SPON1: variants seen among roughly 807,000 people sequenced by gnomAD.
The protein encoded by SPON1 is spondin 1.
Under a neutral mutation model 111.7 loss-of-function variants are expected in SPON1, and 52 were observed. The observed-to-expected ratio is 0.47, with a 90% CI of 0.37 to 0.59. SPON1 has a LOEUF of 0.59. Among genes scored for constraint, SPON1 ranks in the 20% least tolerant of loss-of-function variants. The pLI is 0.00. For missense variants in SPON1, 957 were observed against 1,068.5 expected (o/e 0.90, Z 1.46); for synonymous variants, 410 against 395.8 (o/e 1.04, Z -0.43).
chr11:14,075,203 T>C (rs1848907498), intron 3 of SPON1, 142 bp from the exon 4 acceptor site: 2 of 630,662 alleles, frequency 3.2e-6, no homozygotes, highest in South Asian at 3.7e-5. Context: ...ATTGCTGTTA[T>C]GTTAATTTTC....
At chr11:14,096,345 C>T (rs1264659153) in intron 5 of SPON1, among the ~76,000 whole-genome samples, 2 of 152,208 alleles carry the variant, frequency 1.3e-5, no homozygotes, top group African/African-American at 4.8e-5. Context: ...GGATTTCTCT[C>T]ACTTTTTTCC....
chr11:14,223,579 T>C (rs11023149), intron 6 of SPON1, among the ~76,000 whole-genome samples: 70,138 of 152,136 alleles, frequency 0.46, 16,321 homozygotes, highest in East Asian at 0.56. Flanking sequence ...TCTGTCGGTG[T>C]ATCTCTGTGA....
At chr11:14,088,128 A>C (rs936282427) in intron 5 of SPON1, among the ~76,000 whole-genome samples, 2 of 152,216 alleles carry the variant, frequency 1.3e-5, no homozygotes, top group Non-Finnish European at 2.9e-5. Context: ...TAGCCCATTT[A>C]CATTTAAGGT....
intron 2 of SPON1, among the ~76,000 whole-genome samples, chr11:14,008,765 G>T (rs1484974557): frequency 1.3e-5 from 2 of 152,016 alleles, no homozygotes; most frequent in Non-Finnish European, 2.9e-5. Flanking sequence ...CCTTTGTTTT[G>T]TAGAGTCAGC....
chr11:14,029,124 T>TACAC (rs35525978), intron 2 of SPON1, among the ~76,000 whole-genome samples: 18 of 149,934 alleles, frequency 1.2e-4, no homozygotes, highest in African/African-American at 3.9e-4. Context: ...CAGTGACCCC[T>TACAC]ACACACACAC....
chr11:13,997,771 T>A (rs1445286746), intron 2 of SPON1, among the ~76,000 whole-genome samples: 2 of 152,216 alleles, frequency 1.3e-5, no homozygotes, highest in African/African-American at 4.8e-5. Context: ...ATGCTATGGA[T>A]ACATGATGCG....
chr11:14,160,895 ATT>A (rs1282458403), intron 6 of SPON1, among the ~76,000 whole-genome samples: 1 of 47,812 alleles, frequency 2.1e-5, no homozygotes, highest in African/African-American at 8.5e-5. Context: ...ATTTATATAT[ATT>A]TATATATTTA....
intron 2 of SPON1, among the ~76,000 whole-genome samples, chr11:14,038,847 A>G (rs1479370191): frequency 2.0e-5 from 3 of 152,228 alleles, no homozygotes; most frequent in Admixed American, 6.5e-5. Context: ...GCTCTTTGGT[A>G]TTTACCCAAA....
intron 6 of SPON1, among the ~76,000 whole-genome samples, chr11:14,175,131 C>A (rs965556862): frequency 6.6e-6 from 1 of 152,150 alleles, no homozygotes; most frequent in Non-Finnish European, 1.5e-5. Context: ...TGAACCTAGG[C>A]CACCACTGTC....
rs1034273546 is a variant in SPON1 at position 14,265,820 on chromosome 11, T to C, written c.*133T>C. The C allele has an allele frequency of 2.0e-5, 21 of 1,042,472 alleles. 1 individual carries two copies. The highest frequency in any genetic ancestry group is 2.9e-5 in the Non-Finnish European group (21 of 726,462). 64.6% of individuals were successfully genotyped at this position (1,042,472 alleles called of 1,614,324 possible). A position where few individuals can be genotyped will look rare whatever the true frequency, so the allele number is the denominator to read the frequency against. On this transcript the variant is annotated 3_prime_UTR_variant, in exon 16 of 16. Coordinates refer to ENST00000576479, the MANE Select transcript of SPON1 (RefSeq NM_006108.4). ...TGCAGTGTGGTTCGCCCAGTAGTCT[T>C]GTGGATGCCAGAGACATCCTTTCTG... is the stretch of plus-strand genomic sequence containing the variant.
At chr11:14,006,424 G>A (rs1848361069) in intron 2 of SPON1, among the ~76,000 whole-genome samples, 1 of 152,176 alleles carries the variant, frequency 6.6e-6, no homozygotes, top group Non-Finnish European at 1.5e-5. Context: ...AAGAACAGAG[G>A]CAGGAAGGCT....
At chr11:14,246,506 T>C (rs1408498134) in intron 7 of SPON1, among the ~76,000 whole-genome samples, 4 of 152,164 alleles carry the variant, frequency 2.6e-5, no homozygotes, top group African/African-American at 9.7e-5. Flanking sequence ...CATTTTCCCA[T>C]GTCTAAATTA....
chr11:14,116,087 T>C (rs1296164137), intron 5 of SPON1, among the ~76,000 whole-genome samples: 1 of 152,182 alleles, frequency 6.6e-6, no homozygotes, highest in Non-Finnish European at 1.5e-5. Context: ...TTCTATTATA[T>C]TCTCTGCCAT....
chr11:14,125,735 C>A (rs1847452305), intron 5 of SPON1, among the ~76,000 whole-genome samples: 1 of 152,130 alleles, frequency 6.6e-6, no homozygotes, highest in African/African-American at 2.4e-5. Flanking sequence ...TCAGGGTTCT[C>A]CTAAGAAATA....
intron 5 of SPON1, among the ~76,000 whole-genome samples, chr11:14,098,035 G>A (rs534728338): frequency 2.0e-5 from 3 of 152,148 alleles, no homozygotes; most frequent in South Asian, 2.1e-4. Flanking sequence ...TCGCTCTGTC[G>A]CCCAGGCTGG....
intron 5 of SPON1, among the ~76,000 whole-genome samples, chr11:14,120,627 A>C (rs903098654): frequency 7.2e-5 from 11 of 151,986 alleles, no homozygotes; most frequent in Non-Finnish European, 1.5e-4. Flanking sequence ...TGACCACCTC[A>C]CTTTAAAATG....
rs1246965225 is a variant in SPON1, at chr11:14,228,535, C to A, written c.826-14797C>A. Among the ~76,000 whole-genome samples the A allele has an allele frequency of 2.0e-5, 3 of 152,200 alleles. No homozygotes were observed. The highest frequency in any genetic ancestry group is 4.1e-4 in the South Asian group (2 of 4,832). ...CAACTCACTGGGCTGGGTGGCTCTT[C>A]AGAGTTGTCCTGCCTTGGGGACAAG... On this transcript the variant is annotated intron_variant, in intron 6 of 15. Transcript: ENST00000576479. The surrounding 1 kb of genome is among the most constrained non-coding windows in gnomAD (Gnocchi z 4.2).
At position 13,962,988 on chromosome 11, in the gene SPON1, C is replaced by T. The variant is rs1554907654; in HGVS notation, c.84C>T (p.Ala28=). 1.3e-6 allele frequency: 2 copies of T among 1,595,490 alleles called. No homozygotes were observed. The highest frequency in any genetic ancestry group is 1.7e-6 in the Non-Finnish European group (2 of 1,172,562). ...ALALPLAAAL[A]FSDETLDKVP... Reference sequence around the variant, plus strand: ...CGCTGCCCCTGGCCGCGGCGCTGGCCTTCTCCGACGAGACCCTGGACAAAG... The same window carrying T: ...CGCTGCCCCTGGCCGCGGCGCTGGCTTTCTCCGACGAGACCCTGGACAAAG... The change falls in exon 1 of 16, where the codon GCC becomes GCT. Residue 28 remains alanine (A), a synonymous_variant. Transcript: ENST00000576479.
At chr11:14,165,944 A>G (rs1171221977) in intron 6 of SPON1, among the ~76,000 whole-genome samples, 1 of 152,210 alleles carries the variant, frequency 6.6e-6, no homozygotes, top group Non-Finnish European at 1.5e-5. Context: ...GAGCCCAGGC[A>G]TGGGTTTGTA....
Sources: allele counts gnomAD v4.1 joint callset (sites outside exome capture counted in the v4.1 genomes callset), GRCh38; gene constraint gnomAD v4.1.1; non-coding constraint Gnocchi (gnomAD v3.1); transcripts MANE v1.5; gene names NCBI Gene and HGNC (gene_info 2026-07-23, HGNC 2026-07-21).